DNAH12: variants seen among roughly 807,000 people sequenced by gnomAD.
DNAH12 encodes axonemal beta dynein heavy chain 12.
DNAH12 carries 285 observed loss-of-function variants against 371.5 expected under a neutral mutation model. The ratio of observed to expected loss-of-function variants is 0.77; its 90% CI spans 0.70 to 0.85. DNAH12 has a LOEUF of 0.85. Ranked by LOEUF, DNAH12 falls within the 40% of genes least tolerant of loss-of-function variation. The pLI, the probability that DNAH12 is intolerant of heterozygous loss-of-function variation, is 0.00. For synonymous variants in DNAH12, 1,200 were observed against 1,213.0 expected, an observed-to-expected ratio of 0.99 and a Z score of 0.22; for missense variants, 3,611 against 3,689.4, an observed-to-expected ratio of 0.98 and a Z score of 0.55.
intron 38 of DNAH12, among the ~76,000 whole-genome samples, chr3:57,414,735 T>C (rs995695388): frequency 4.2e-5 from 6 of 142,246 alleles, no homozygotes; most frequent in African/African-American, 1.2e-4. Flanking sequence ...CACTTGTCCA[T>C]TGGAAAAATA....
intron 67 of DNAH12, 141 bp downstream of exon 67, chr3:57,310,576 G>T: frequency 1.5e-6 from 1 of 683,982 alleles, no homozygotes; most frequent in Non-Finnish European, 2.4e-6. Context: ...CTAATTTTCA[G>T]TAATTACTAG....
chr3:57,485,397 G>T (rs1248267778), intron 12 of DNAH12, among the ~76,000 whole-genome samples: 2 of 144,310 alleles, frequency 1.4e-5, no homozygotes, highest in African/African-American at 4.9e-5. Context: ...TGGAGCTGGA[G>T]GCCATTATTC....
At position 57,357,584 on chromosome 3, in the gene DNAH12, A is replaced by T. The variant is rs1035128379; in HGVS notation, c.9361-236T>A. ...AAGGGGAAGGAGAGAAAGGAGGAAC[A>T]AGAGAGGAAAAAAGAAAAAACAAGT... On this transcript the variant is annotated intron_variant, in intron 58 of 73. Coordinates refer to ENST00000495027, the MANE Select transcript of DNAH12 (RefSeq NM_001366028.2). 1.7e-3 allele frequency among the ~76,000 whole-genome samples: 264 copies of T among 152,260 alleles called. 2 individuals are homozygous for T. The highest frequency in any genetic ancestry group is 2.8e-3 in the Non-Finnish European group (191 of 68,014).
At chr3:57,426,778 G>T (rs1481166760) in intron 34 of DNAH12, among the ~76,000 whole-genome samples, 1 of 150,450 alleles carries the variant, frequency 6.6e-6, no homozygotes, top group Non-Finnish European at 1.5e-5. Flanking sequence ...GAACCTGAAA[G>T]GTGGAGTGCC....
rs1205625335 is a variant in DNAH12 at position 57,471,210 on chromosome 3, C to T, written c.1911+262G>A. Among the ~76,000 whole-genome samples the T allele has an allele frequency of 5.3e-5, 8 of 151,768 alleles. No individual in the cohort carries two copies. In the East Asian group the frequency reaches 1.2e-3, roughly 22 times the overall value. On this transcript the variant is annotated intron_variant, in intron 15 of 73. Coordinates refer to ENST00000495027, the MANE Select transcript of DNAH12 (RefSeq NM_001366028.2). ...CTACAAGAAAATACAAAAAATTAGC[C>T]GGGCATGGTGGCACATGCCTGTTAG...
intron 60 of DNAH12, among the ~76,000 whole-genome samples, chr3:57,348,380 C>CA (rs2062594079): frequency 6.6e-6 from 1 of 152,064 alleles, no homozygotes; most frequent in South Asian, 2.1e-4. Flanking sequence ...ATAAATAGAA[C>CA]ACAGAGGATT....
chr3:57,314,651 TAAC>T lies in DNAH12; in HGVS notation c.10525-23_10525-21del, dbSNP rs941740603. ...CCAGGCCTTTAATATAAAAAGTACA[TAAC>T]AAGAAAAAAAATTCCGGTCAGATTC... On this transcript the variant is annotated intron_variant, in intron 65 of 73. Coordinates refer to ENST00000495027, the MANE Select transcript of DNAH12 (RefSeq NM_001366028.2). 6.6e-7 allele frequency: 1 copy of T among 1,508,632 alleles called. No homozygotes were observed. The highest frequency in any genetic ancestry group is 1.5e-5 in the African/African-American group (1 of 67,440). The allele number at this position is 1,508,632 out of a possible 1,614,324, so 93.5% of individuals were successfully genotyped here.
chr3:57,315,406 A>G (rs2061664945), intron 65 of DNAH12, among the ~76,000 whole-genome samples: 1 of 150,334 alleles, frequency 6.7e-6, no homozygotes. Flanking sequence ...ATCAAAGCAT[A>G]TTTTAAACAT....
At chr3:57,361,470 A>ATATATATATC (rs1246939028) in intron 58 of DNAH12, among the ~76,000 whole-genome samples, 1 of 141,402 alleles carries the variant, frequency 7.1e-6, no homozygotes, top group African/African-American at 2.8e-5. Context: ...ATATATATAT[A>ATATATATATC]TCTCATTCAG....
intron 13 of DNAH12, among the ~76,000 whole-genome samples, chr3:57,477,555 C>A (rs565073646): frequency 7.2e-4 from 110 of 152,260 alleles, no homozygotes; most frequent in Non-Finnish European, 1.2e-3. Flanking sequence ...ATGTCCCTGT[C>A]TGACAACTTT....
intron 39 of DNAH12, among the ~76,000 whole-genome samples, chr3:57,410,056 T>A (rs970257843): frequency 6.6e-6 from 1 of 152,236 alleles, no homozygotes; most frequent in African/African-American, 2.4e-5. Flanking sequence ...CTTGGGGGAA[T>A]GGTACTTTGA....
chr3:57,413,488 G>A (rs1425259248), intron 39 of DNAH12, among the ~76,000 whole-genome samples: 26 of 152,116 alleles, frequency 1.7e-4, no homozygotes, highest in Admixed American at 1.6e-3. Flanking sequence ...TGTAACAAAT[G>A]TGCCAATTTG....
chr3:57,347,159 A>G (rs1431775692), intron 60 of DNAH12, among the ~76,000 whole-genome samples: 1 of 152,200 alleles, frequency 6.6e-6, no homozygotes, highest in African/African-American at 2.4e-5. Context: ...AGACATTATA[A>G]GAAAGGAAAA....
intron 13 of DNAH12, among the ~76,000 whole-genome samples, chr3:57,476,682 C>T (rs1193053299): frequency 6.6e-6 from 1 of 152,182 alleles, no homozygotes; most frequent in Non-Finnish European, 1.5e-5. Flanking sequence ...TAATTACTGG[C>T]TGTTTACTTT....
upstream of DNAH12, among the ~76,000 whole-genome samples, chr3:57,549,162 A>G (rs1179556439): frequency 6.6e-6 from 1 of 152,170 alleles, no homozygotes; most frequent in African/African-American, 2.4e-5. Flanking sequence ...GTGAATAGCC[A>G]ATGCACTCCA....
At chr3:57,425,759 A>G (rs1183013474) in intron 34 of DNAH12, among the ~76,000 whole-genome samples, 1 of 150,718 alleles carries the variant, frequency 6.6e-6, no homozygotes, top group Non-Finnish European at 1.5e-5. Flanking sequence ...TGTTCTAAGG[A>G]TAGCAGAAAT....
intron 4 of DNAH12, among the ~76,000 whole-genome samples, chr3:57,520,868 T>G (rs1306407433): frequency 1.3e-5 from 2 of 152,044 alleles, no homozygotes; most frequent in African/African-American, 4.8e-5. Flanking sequence ...TGTAGCTTGT[T>G]TTTTCATCCT....
intron 37 of DNAH12, among the ~76,000 whole-genome samples, chr3:57,418,356 C>T (rs1331101946): frequency 1.0e-5 from 1 of 99,430 alleles, no homozygotes; most frequent in South Asian, 3.9e-4. Flanking sequence ...TCTGGGCAAC[C>T]TGTCTCTACA....
In DNAH12 at chr3:57,466,983, G is replaced by C. The variant is rs1021024451; in HGVS notation, c.2349+1753C>G. The stretch of plus-strand genomic sequence containing the variant: ...TCACCCAGGCTGGTCTTGAACTTCT[G>C]GCCTCGAATGATCCTCCTGCCTTGG... On this transcript the variant is annotated intron_variant, in intron 17 of 73. Coordinates refer to ENST00000495027, the MANE Select transcript of DNAH12 (RefSeq NM_001366028.2). Among the ~76,000 whole-genome samples the C allele has an allele frequency of 3.3e-5, 5 of 151,996 alleles. 1 individual carries two copies. In the South Asian group the frequency reaches 1.0e-3, roughly 32 times the overall value.
Sources: allele counts gnomAD v4.1 joint callset (sites outside exome capture counted in the v4.1 genomes callset), GRCh38; gene constraint gnomAD v4.1.1; transcripts MANE v1.5; gene names NCBI Gene and HGNC (gene_info 2026-07-23, HGNC 2026-07-21).